The following TNFSF11 variants were observed in gnomAD, a reference collection of about 807,000 sequenced individuals.
The protein encoded by TNFSF11 is tumor necrosis factor ligand superfamily member 11.
Under a neutral mutation model 32.2 loss-of-function variants are expected in TNFSF11, and 12 were observed. The ratio of observed to expected loss-of-function variants is 0.37; its 90% CI spans 0.24 to 0.60. The LOEUF (loss-of-function observed/expected upper bound fraction) is 0.60, where lower values mean the gene tolerates loss of function less well. TNFSF11 is among the 20% of genes least tolerant of loss of function. TNFSF11 has a pLI of 0.66. For missense variants in TNFSF11, 345 were observed against 398.0 expected (o/e 0.87, Z 1.13); for synonymous variants, 172 against 152.1 (o/e 1.13, Z -0.96).
chr13:42,606,934 GTGTTATGTATTTCC>G lies in TNFSF11; in HGVS notation c.*19_*32del, dbSNP rs764738108. On this transcript the variant is annotated 3_prime_UTR_variant, in exon 5 of 5. Transcript: ENST00000398795. ...TATAGATTGAGCCCCAGTTTTTGGAGTGTTATGTATTTCCTGGATGTTTGGAAACATTTTTTAAA... is the reference window on the plus strand; with the variant it reads ...TATAGATTGAGCCCCAGTTTTTGGAGTGGATGTTTGGAAACATTTTTTAAA... 3 of 1,614,052 alleles carry G rather than the reference GTGTTATGTATTTCC, an allele frequency of 1.9e-6. No homozygotes were observed. Among genetic ancestry groups the G allele is most frequent in the Middle Eastern group, 3.3e-4 (2 of 6,054 alleles).
Position 42,607,157 on chromosome 13 carries a change from T to C in TNFSF11, c.*239T>C. Reference sequence around the variant, plus strand: ...AAATTTTGTAATGAATTCCTAGAATTAAACCAGATTGGAGCAATTACGGGG... The same window carrying C: ...AAATTTTGTAATGAATTCCTAGAATCAAACCAGATTGGAGCAATTACGGGG... On this transcript the variant is annotated 3_prime_UTR_variant, in exon 5 of 5. Coordinates refer to ENST00000398795, the MANE Select transcript of TNFSF11 (RefSeq NM_003701.4). 1 of 508,500 alleles carries C rather than the reference T, an allele frequency of 2.0e-6. No homozygotes were observed. Among genetic ancestry groups the C allele is most frequent in the South Asian group, 2.3e-5 (1 of 43,128 alleles). 31.5% of individuals were successfully genotyped at this position (508,500 alleles called of 1,614,324 possible).
intron 4 of TNFSF11, among the ~76,000 whole-genome samples, chr13:42,603,809 G>A (rs1869304495): frequency 6.6e-6 from 1 of 152,170 alleles, no homozygotes; most frequent in African/African-American, 2.4e-5. Flanking sequence ...AGTGGTGAGT[G>A]CCATTAAGGC....
intron 2 of TNFSF11, among the ~76,000 whole-genome samples, chr13:42,590,083 A>G (rs1224830492): frequency 6.6e-6 from 1 of 152,244 alleles, no homozygotes; most frequent in African/African-American, 2.4e-5. Flanking sequence ...GCTCACTTGA[A>G]TGTGAGCTTC....
intron 4 of TNFSF11, among the ~76,000 whole-genome samples, chr13:42,603,305 A>G (rs1290945012): frequency 6.6e-6 from 1 of 152,192 alleles, no homozygotes; most frequent in Non-Finnish European, 1.5e-5. Context: ...AAATATTTGC[A>G]GAGACCTCTT....
intron 4 of TNFSF11, among the ~76,000 whole-genome samples, chr13:42,602,196 T>C (rs1869212375): frequency 6.6e-6 from 1 of 152,204 alleles, no homozygotes; most frequent in South Asian, 2.1e-4. Context: ...TGCAATCACA[T>C]ATGCTTCAGC....
intron 2 of TNFSF11, among the ~76,000 whole-genome samples, chr13:42,582,809 C>T (rs1310485390): frequency 6.6e-6 from 1 of 152,102 alleles, no homozygotes; most frequent in Non-Finnish European, 1.5e-5. Context: ...CATTTTCATT[C>T]GTTTGCTTAT....
At chr13:42,602,622 G>T (rs1244464489) in intron 4 of TNFSF11, among the ~76,000 whole-genome samples, 1 of 152,168 alleles carries the variant, frequency 6.6e-6, no homozygotes, top group Non-Finnish European at 1.5e-5. Flanking sequence ...GTCTTGTGGT[G>T]GAGCTACACT....
At chr13:42,571,183 G>A (rs7325635), upstream of TNFSF11, among the ~76,000 whole-genome samples, 55,844 of 151,916 alleles carry the variant, frequency 0.37, 11,214 homozygotes, top group Non-Finnish European at 0.44. Context: ...CCTGGGTGAG[G>A]AGAGCTGAGA....
At chr13:42,575,038 G>A (rs558829408) in intron 1 of TNFSF11, among the ~76,000 whole-genome samples, 1 of 152,228 alleles carries the variant, frequency 6.6e-6, no homozygotes, top group African/African-American at 2.4e-5. Flanking sequence ...AGGGCTGCGC[G>A]GAGCGGGAGG....
intron 1 of TNFSF11, among the ~76,000 whole-genome samples, chr13:42,578,402 C>G (rs1046011688): frequency 2.6e-5 from 4 of 152,300 alleles, no homozygotes; most frequent in Non-Finnish European, 5.9e-5. Flanking sequence ...CCCTGAACCT[C>G]TCCTCCTCCG....
chr13:42,571,300 A>G (rs1249495265), upstream of TNFSF11, among the ~76,000 whole-genome samples: 1 of 152,204 alleles, frequency 6.6e-6, no homozygotes, highest in Non-Finnish European at 1.5e-5. Context: ...GTAGTATTTG[A>G]AGCTGATGTA....
intron 2 of TNFSF11, among the ~76,000 whole-genome samples, chr13:42,590,640 A>G (rs1345318940): frequency 6.6e-6 from 1 of 152,250 alleles, no homozygotes; most frequent in African/African-American, 2.4e-5. Context: ...TAGCACAATT[A>G]GCCCAAGATG....
At chr13:42,599,329 C>CTATT (rs774801892) in intron 2 of TNFSF11, among the ~76,000 whole-genome samples, 1 of 142,318 alleles carries the variant, frequency 7.0e-6, no homozygotes, top group African/African-American at 2.6e-5. Flanking sequence ...ATCTATCTAT[C>CTATT]TATCTATCTA....
At chr13:42,574,052 A>C, upstream of TNFSF11, 1 of 546,550 alleles carries the variant, frequency 1.8e-6, no homozygotes. Flanking sequence ...AAGGGGAGCC[A>C]GAGGTGGGAG....
chr13:42,583,593 A>G (rs1333544922), intron 2 of TNFSF11, among the ~76,000 whole-genome samples: 3 of 152,044 alleles, frequency 2.0e-5, no homozygotes, highest in Admixed American at 2.0e-4. Flanking sequence ...TCTGATGTTT[A>G]AAATCCATTA....
At chr13:42,579,704 CTTTTTTTTTTT>C (rs59375842) in intron 1 of TNFSF11, among the ~76,000 whole-genome samples, 3 of 65,502 alleles carry the variant, frequency 4.6e-5, no homozygotes, top group Admixed American at 2.3e-4. Flanking sequence ...TAAGTAAGCC[CTTTTTTTTTTT>C]TTTTTTTTTT....
intron 2 of TNFSF11, among the ~76,000 whole-genome samples, chr13:42,595,221 T>A (rs1868738820): frequency 6.6e-6 from 1 of 152,166 alleles, no homozygotes; most frequent in Admixed American, 6.5e-5. Flanking sequence ...GGGCAGAGAT[T>A]TCTTTGGTTG....
intron 2 of TNFSF11, 58 bp downstream of exon 2, chr13:42,581,351 A>G: frequency 6.3e-7 from 1 of 1,590,372 alleles, no homozygotes; most frequent in Non-Finnish European, 8.6e-7. Context: ...CCAATACTGA[A>G]AATTAAAACT....
At chr13:42,581,083 TAG>T (rs536791348) in intron 1 of TNFSF11, 41 bp from the exon 2 acceptor site, 1 of 1,606,708 alleles carries the variant, frequency 6.2e-7, no homozygotes, top group Non-Finnish European at 8.5e-7. Context: ...GCAGGATGAC[TAG>T]TGATAAGCAC....
Sources: gnomAD v4.1 joint callset for allele counts (sites outside exome capture counted in the v4.1 genomes callset) on GRCh38, gnomAD v4.1.1 for gene constraint, MANE v1.5 for transcripts, NCBI Gene and HGNC (gene_info 2026-07-23, HGNC 2026-07-21) for gene names.